GINS3: variants seen among roughly 807,000 people sequenced by gnomAD.
GINS3 encodes GINS complex subunit 3.
Under a neutral mutation model 20.0 loss-of-function variants are expected in GINS3, and 18 were observed. The observed-to-expected ratio is 0.90, with a 90% CI of 0.62 to 1.33. The LOEUF (loss-of-function observed/expected upper bound fraction) is 1.33, where lower values mean the gene tolerates loss of function less well. GINS3 is among the 40% of genes most tolerant of loss of function. GINS3 has a pLI of 0.00. For synonymous variants in GINS3, 109 were observed against 107.0 expected (o/e 1.02, Z -0.12); for missense variants, 254 against 273.6 (o/e 0.93, Z 0.51).
At chr16:58,394,024 T>C (rs1379252500) in intron 1 of GINS3, among the ~76,000 whole-genome samples, 1 of 152,176 alleles carries the variant, frequency 6.6e-6, no homozygotes, top group African/African-American at 2.4e-5. Flanking sequence ...TTTTTTTTAA[T>C]GTAGACATTA....
intron 1 of GINS3, among the ~76,000 whole-genome samples, chr16:58,401,819 C>G (rs1965959027): frequency 6.6e-6 from 1 of 152,180 alleles, no homozygotes; most frequent in South Asian, 2.1e-4. Flanking sequence ...TTAGGATTTT[C>G]TCTGTCTTTG....
At chr16:58,402,977 G>A in intron 1 of GINS3, 121 bp from the exon 2 acceptor site, 1 of 742,808 alleles carries the variant, frequency 1.3e-6, no homozygotes, top group Non-Finnish European at 2.2e-6. Flanking sequence ...TTCTGTGCTT[G>A]ACAGCCACTC....
chr16:58,392,729 T>C lies in GINS3; in HGVS notation c.128T>C (p.Leu43Pro). ...CGCACGGAGACCGCCATGCCTCGCC[T>C]TGGCGCTTTCTTCCTGGAGCGGAGC... ...PVRTETAMPR[L>P]GAFFLERSAG... The change falls in exon 1 of 3, where the codon CTT becomes CCT. Residue 43 changes from leucine (L) to proline (P), a missense_variant. Leu to Pro is a moderately conservative substitution (Grantham distance 98). Transcript: ENST00000318129. 1 of 1,614,108 alleles carries C rather than the reference T, an allele frequency of 6.2e-7. No individual in the cohort carries two copies. The highest frequency in any genetic ancestry group is 1.1e-5 in the South Asian group (1 of 91,082).
chr16:58,397,800 AGAGAGGGAGAGGGAGACCGTGGG>A (rs1299125314), intron 1 of GINS3, among the ~76,000 whole-genome samples: 34 of 151,824 alleles, frequency 2.2e-4, no homozygotes, highest in African/African-American at 8.3e-4. Flanking sequence ...GACCGTGGAA[AGAGAGGGAGAGGGAGACCGTGGG>A]GAGAGGGAGA....
chr16:58,404,811 A>G lies in GINS3; in HGVS notation c.*82A>G. The G allele has an allele frequency of 2.1e-6, 2 of 943,050 alleles. No homozygotes were observed. The highest frequency in any genetic ancestry group is 3.0e-5 in the South Asian group (2 of 65,896). The allele number at this position is 943,050 out of a possible 1,614,324, so 58.4% of individuals were successfully genotyped here. A position where few individuals can be genotyped will look rare whatever the true frequency, so the allele number is the denominator to read the frequency against. ...TAGGAGCTGGTTGACCTTGTACAGAACCAGAATCCTGTCCCATTTCATGGC... is the reference window on the plus strand; with the variant it reads ...TAGGAGCTGGTTGACCTTGTACAGAGCCAGAATCCTGTCCCATTTCATGGC... On this transcript the variant is annotated 3_prime_UTR_variant, in exon 3 of 3. Transcript: ENST00000318129.
intron 1 of GINS3, among the ~76,000 whole-genome samples, chr16:58,402,180 A>ATT (rs1266706175): frequency 6.6e-6 from 1 of 152,164 alleles, no homozygotes; most frequent in Non-Finnish European, 1.5e-5. Flanking sequence ...GTTAAATTTG[A>ATT]TTTAATCTAT....
chr16:58,403,497 A>T (rs1418429665), intron 2 of GINS3, 166 bp downstream of exon 2: 5 of 549,548 alleles, frequency 9.1e-6, no homozygotes, highest in Middle Eastern at 9.7e-4. Context: ...ACATATATAC[A>T]CACACACACA....
chr16:58,394,882 G>C, intron 1 of GINS3, among the ~76,000 whole-genome samples: 1 of 152,192 alleles, frequency 6.6e-6, no homozygotes, highest in East Asian at 1.9e-4. Flanking sequence ...CACTGAAGGA[G>C]TAGGGAGTTA....
At chr16:58,403,760 T>C (rs969866912) in intron 2 of GINS3, 3 of 184,102 alleles carry the variant, frequency 1.6e-5, no homozygotes, top group African/African-American at 2.4e-5. Flanking sequence ...AAAAAAGGGC[T>C]ATGGTGCATT....
intron 1 of GINS3, among the ~76,000 whole-genome samples, chr16:58,397,129 C>T (rs1314472584): frequency 2.7e-5 from 4 of 150,398 alleles, no homozygotes; most frequent in African/African-American, 7.4e-5. Flanking sequence ...ACTTCCCAGA[C>T]GGTGTAGCTG....
chr16:58,405,443 A>G lies in GINS3; in HGVS notation c.*714A>G, dbSNP rs1295705902. 1.3e-5 allele frequency: 2 copies of G among 152,204 alleles called. No individual in the cohort carries two copies. Among genetic ancestry groups the G allele is most frequent in the East Asian group, 3.8e-4 (2 of 5,202 alleles). 9.4% of individuals were successfully genotyped at this position (152,204 alleles called of 1,614,324 possible). A position where few individuals can be genotyped will look rare whatever the true frequency, so the allele number is the denominator to read the frequency against. On this transcript the variant is annotated 3_prime_UTR_variant, in exon 3 of 3. Transcript: ENST00000318129. ...AACTGAGCTTGTTATTGCCTCGGAG[A>G]GCCTAAGAGCACCCGCACACTTAAT...
At chr16:58,395,781 T>C (rs538214245) in intron 1 of GINS3, among the ~76,000 whole-genome samples, 5 of 152,308 alleles carry the variant, frequency 3.3e-5, no homozygotes, top group African/African-American at 1.2e-4. Flanking sequence ...TTTCCCCACC[T>C]TTCCCCCCTT....
At position 58,402,104 on chromosome 16, in the gene GINS3, G is replaced by A. The variant is rs1016564981; in HGVS notation, c.187-994G>A. ...TTTTTTCTCTAGATACTTTAGTCTG[G>A]TTATTTTCTATTGACCTTTTCTCAT... On this transcript the variant is annotated intron_variant, in intron 1 of 2. Transcript: ENST00000318129. Among the ~76,000 whole-genome samples the A allele has an allele frequency of 2.6e-5, 4 of 151,952 alleles. No homozygotes were observed. In the South Asian group the frequency reaches 6.2e-4, roughly 24 times the overall value.
chr16:58,395,936 AC>A (rs1965848821), intron 1 of GINS3, among the ~76,000 whole-genome samples: 1 of 147,198 alleles, frequency 6.8e-6, no homozygotes, highest in African/African-American at 2.6e-5. Context: ...CACCTCCCGG[AC>A]GGGGCGGCTG....
rs1195794975 is a variant in GINS3, at chr16:58,405,581, T to G, written c.*852T>G. ...TGGAAGTCAGGACTTGGGTGCTGAC[T>G]ATGAAGGGCCCTGTTTTCAAAATCT... On this transcript the variant is annotated 3_prime_UTR_variant, in exon 3 of 3. Transcript: ENST00000318129. 1 of 152,182 alleles carries G rather than the reference T, an allele frequency of 6.6e-6. No individual in the cohort carries two copies. Among genetic ancestry groups the G allele is most frequent in the Non-Finnish European group, 1.5e-5 (1 of 68,028 alleles). 9.4% of individuals were successfully genotyped at this position (152,182 alleles called of 1,614,324 possible). A position where few individuals can be genotyped will look rare whatever the true frequency, so the allele number is the denominator to read the frequency against.
intron 1 of GINS3, among the ~76,000 whole-genome samples, chr16:58,399,682 T>A (rs938429164): frequency 2.6e-5 from 4 of 152,174 alleles, no homozygotes; most frequent in Non-Finnish European, 5.9e-5. Flanking sequence ...TTTAGCTTTC[T>A]TTTTCTATCC....
intron 1 of GINS3, among the ~76,000 whole-genome samples, chr16:58,400,933 G>A (rs1246022605): frequency 1.3e-5 from 2 of 151,452 alleles, no homozygotes; most frequent in African/African-American, 4.9e-5. Flanking sequence ...TTCTGCCTCA[G>A]CCTCCTGAGT....
chr16:58,399,523 G>A (rs986129663), intron 1 of GINS3, among the ~76,000 whole-genome samples: 3 of 151,684 alleles, frequency 2.0e-5, no homozygotes, highest in Non-Finnish European at 4.4e-5. Context: ...CATATTTAAG[G>A]TATGTCTCTT....
chr16:58,401,626 T>A (rs1308639144), intron 1 of GINS3, among the ~76,000 whole-genome samples: 1 of 152,202 alleles, frequency 6.6e-6, no homozygotes, highest in Admixed American at 6.5e-5. Context: ...ATTGGTGCAT[T>A]TACAATCCTT....
Sources: gnomAD v4.1 joint callset for allele counts (sites outside exome capture counted in the v4.1 genomes callset) on GRCh38, gnomAD v4.1.1 for gene constraint, MANE v1.5 for transcripts, NCBI Gene and HGNC (gene_info 2026-07-23, HGNC 2026-07-21) for gene names.